The following MIPOL1 variants were observed in gnomAD, a reference collection of about 807,000 sequenced individuals.
MIPOL1 encodes mirror-image polydactyly gene 1 protein.
MIPOL1 carries 57 observed loss-of-function variants against 60.9 expected under a neutral mutation model. That is an observed-to-expected ratio of 0.94 (90% CI 0.76 to 1.17). The LOEUF is 1.17. Ranked by LOEUF, MIPOL1 falls within the 50% of genes most tolerant of loss-of-function variation. The probability of loss-of-function intolerance (pLI) is 0.00; values close to 1 mark genes in which losing one functional copy is unlikely to be tolerated. For synonymous variants in MIPOL1, 179 were observed against 168.8 expected (o/e 1.06, Z -0.47); for missense variants, 551 against 511.6 (o/e 1.08, Z -0.74).
chr14:37,375,347 C>T (rs1027546835), intron 10 of MIPOL1, among the ~76,000 whole-genome samples: 6 of 152,010 alleles, frequency 3.9e-5, no homozygotes, highest in Non-Finnish European at 7.4e-5. Context: ...TAACTGGAAG[C>T]ACGGCATGTG....
At chr14:37,389,064 T>C (rs2093159637) in intron 10 of MIPOL1, among the ~76,000 whole-genome samples, 1 of 152,094 alleles carries the variant, frequency 6.6e-6, no homozygotes, top group African/African-American at 2.4e-5. Context: ...GCTTATTCAT[T>C]TATCTCTAAA....
intron 11 of MIPOL1, among the ~76,000 whole-genome samples, chr14:37,434,293 G>A (rs1379122780): frequency 6.6e-6 from 1 of 152,136 alleles, no homozygotes; most frequent in Non-Finnish European, 1.5e-5. Context: ...ATGGTGATGA[G>A]CTTTTTTTCA....
chr14:37,387,256 A>T (rs183045443), intron 10 of MIPOL1, among the ~76,000 whole-genome samples: 1 of 151,912 alleles, frequency 6.6e-6, no homozygotes, highest in Non-Finnish European at 1.5e-5. Context: ...GAAAGTGGTA[A>T]ATTTATTTTA....
chr14:37,233,866 G>A (rs931178359), intron 1 of MIPOL1, among the ~76,000 whole-genome samples: 3 of 152,138 alleles, frequency 2.0e-5, no homozygotes, highest in African/African-American at 7.2e-5. Context: ...CAATCAAAAT[G>A]CCTCGAACAT....
intron 10 of MIPOL1, among the ~76,000 whole-genome samples, chr14:37,397,687 T>G (rs2093401293): frequency 6.6e-6 from 1 of 152,046 alleles, no homozygotes; most frequent in Non-Finnish European, 1.5e-5. Context: ...CCCAGGTCAA[T>G]GGAGTTGTGT....
intron 7 of MIPOL1, among the ~76,000 whole-genome samples, chr14:37,303,966 G>C (rs2086564765): frequency 6.6e-6 from 1 of 151,708 alleles, no homozygotes; most frequent in Admixed American, 6.6e-5. Context: ...CAGCAACAAA[G>C]AATATTATGT....
chr14:37,445,158 A>T (rs1272443891), intron 11 of MIPOL1, among the ~76,000 whole-genome samples: 1 of 152,126 alleles, frequency 6.6e-6, no homozygotes, highest in Non-Finnish European at 1.5e-5. Context: ...AGATGACATG[A>T]TTGTATATCT....
At chr14:37,353,423 A>C (rs2091558848) in intron 9 of MIPOL1, among the ~76,000 whole-genome samples, 1 of 149,584 alleles carries the variant, frequency 6.7e-6, no homozygotes, top group Admixed American at 6.7e-5. Flanking sequence ...GGCCTCATAA[A>C]ATGAGTTAGG....
chr14:37,495,236 C>T (rs1400579467), intron 11 of MIPOL1, among the ~76,000 whole-genome samples: 22 of 147,052 alleles, frequency 1.5e-4, no homozygotes, highest in African/African-American at 4.8e-4. Flanking sequence ...CCCACTAACT[C>T]GTCATCTAGC....
intron 10 of MIPOL1, 161 bp downstream of exon 10, chr14:37,369,785 G>T: frequency 4.6e-6 from 2 of 436,710 alleles, no homozygotes; most frequent in Non-Finnish European, 8.2e-6. Context: ...TTTTGTTATG[G>T]TATTATTTTA....
Position 37,422,889 on chromosome 14 carries a change from C to T in MIPOL1, c.971C>T (p.Thr324Ile). The change falls in exon 11 of 13, where the codon ACT becomes ATT. Residue 324 changes from threonine to isoleucine, a missense_variant. Thr to Ile is a moderately conservative substitution (Grantham distance 89). Coordinates refer to ENST00000684589, the MANE Select transcript of MIPOL1 (RefSeq NM_001388067.1). Reference protein sequence around the residue: ...KLLSMQQARETAVQQYKKLEE... With the variant: ...KLLSMQQAREIAVQQYKKLEE... ...TTATCTATGCAACAAGCCAGAGAAACTGCAGTTCAACAGTACAAAAAACTG... is the reference window on the plus strand; with the variant it reads ...TTATCTATGCAACAAGCCAGAGAAATTGCAGTTCAACAGTACAAAAAACTG... 2 of 1,608,778 alleles carry T rather than the reference C, an allele frequency of 1.2e-6. No homozygotes were observed. The highest frequency in any genetic ancestry group is 1.7e-6 in the Non-Finnish European group (2 of 1,176,916).
intron 11 of MIPOL1, among the ~76,000 whole-genome samples, chr14:37,451,737 T>C (rs976235399): frequency 5.9e-5 from 9 of 151,968 alleles, no homozygotes; most frequent in Non-Finnish European, 1.0e-4. Context: ...GTAAATGTTC[T>C]GCTGAATTGT....
chr14:37,276,895 A>C (rs996413847), intron 6 of MIPOL1: 1 of 151,240 alleles, frequency 6.6e-6, no homozygotes, highest in Non-Finnish European at 1.5e-5. Flanking sequence ...TTGATAGACT[A>C]TTGATTATAT....
chr14:37,234,802 G>A (rs1214191275), intron 1 of MIPOL1, among the ~76,000 whole-genome samples: 1 of 151,074 alleles, frequency 6.6e-6, no homozygotes, highest in Non-Finnish European at 1.5e-5. Context: ...TTGAAACGGA[G>A]TCTCACTCTG....
chr14:37,287,896 TA>T (rs2084710992), intron 7 of MIPOL1, among the ~76,000 whole-genome samples: 1 of 152,000 alleles, frequency 6.6e-6, no homozygotes, highest in Admixed American at 6.6e-5. Context: ...CCCAAAGTGT[TA>T]GAATTACAGG....
rs188569530 is a variant in MIPOL1, at chr14:37,551,234, A to G, written c.*4263A>G. On this transcript the variant is annotated 3_prime_UTR_variant, in exon 13 of 13. Transcript: ENST00000684589. ...AAAATATATATTTACTTTGTACTCA[A>G]ATAAAATCCCCTATTGCAAATCCTA... 2 of 152,246 alleles carry G rather than the reference A, an allele frequency of 1.3e-5. No homozygotes were observed. The highest frequency in any genetic ancestry group is 3.9e-4 in the East Asian group (2 of 5,184). The allele number at this position is 152,246 out of a possible 1,614,324, so 9.4% of individuals were successfully genotyped here. A position where few individuals can be genotyped will look rare whatever the true frequency, so the allele number is the denominator to read the frequency against.
intron 7 of MIPOL1, among the ~76,000 whole-genome samples, chr14:37,288,795 G>A (rs1170099900): frequency 6.6e-6 from 1 of 150,384 alleles, no homozygotes; most frequent in Admixed American, 6.6e-5. Flanking sequence ...GCAAGATCCT[G>A]TCTCAAGAAA....
chr14:37,426,594 T>TATATATACAC (rs1447990257), intron 11 of MIPOL1, among the ~76,000 whole-genome samples: 18 of 125,416 alleles, frequency 1.4e-4, no homozygotes, highest in South Asian at 1.3e-3. Context: ...TATATATATA[T>TATATATACAC]ACACACACAC....
rs200825237 is a variant in MIPOL1 at position 37,366,135 on chromosome 14, A to AT, written c.829-3374dup. On this transcript the variant is annotated intron_variant, in intron 9 of 12. Coordinates refer to ENST00000684589, the MANE Select transcript of MIPOL1 (RefSeq NM_001388067.1). ...GGCTTTTGTTATATTGATCTCTTGTATTTTTTTTCATTTCAAATTTATTCA... is the reference window on the plus strand; with the variant it reads ...GGCTTTTGTTATATTGATCTCTTGTATTTTTTTTTCATTTCAAATTTATTCA... Among the ~76,000 whole-genome samples, 668 of 147,890 alleles carry AT rather than the reference A, an allele frequency of 4.5e-3. 4 individuals are homozygous for AT. The highest frequency in any genetic ancestry group is 7.4e-3 in the Non-Finnish European group (492 of 66,426).
Sources: allele counts gnomAD v4.1 joint callset (sites outside exome capture counted in the v4.1 genomes callset), GRCh38; gene constraint gnomAD v4.1.1; transcripts MANE v1.5; gene names NCBI Gene and HGNC (gene_info 2026-07-23, HGNC 2026-07-21).